CAMTA1: variants seen among roughly 807,000 people sequenced by gnomAD.
CAMTA1 encodes the protein calmodulin binding transcription activator 1.
CAMTA1 carries 27 observed loss-of-function variants against 170.9 expected under a neutral mutation model. The ratio of observed to expected loss-of-function variants is 0.16; its 90% CI spans 0.12 to 0.22. The LOEUF is 0.22. Ranked by LOEUF, CAMTA1 falls within the 10% of genes least tolerant of loss-of-function variation. The pLI is 1.00. For synonymous variants in CAMTA1, 833 were observed against 891.5 expected, an observed-to-expected ratio of 0.93 and a Z score of 1.17; for missense variants, 1,619 against 2,217.2, an observed-to-expected ratio of 0.73 and a Z score of 5.42.
chr1:7,266,185 G>A (rs10864290), intron 5 of CAMTA1, among the ~76,000 whole-genome samples: 91,904 of 152,144 alleles, frequency 0.6, 28,186 homozygotes, highest in Non-Finnish European at 0.66. Flanking sequence ...CAGGTCTGCA[G>A]AGCGGGGGCG....
chr1:7,619,302 C>T (rs899811682), intron 6 of CAMTA1, among the ~76,000 whole-genome samples: 5 of 152,186 alleles, frequency 3.3e-5, no homozygotes, highest in South Asian at 2.1e-4. Context: ...AGAGAGAGTG[C>T]GAACTGCAGG....
chr1:7,738,021 C>T lies in CAMTA1; in HGVS notation c.3721C>T (p.Pro1241Ser). 6.2e-7 allele frequency: 1 copy of T among 1,614,060 alleles called. No individual in the cohort carries two copies. The highest frequency in any genetic ancestry group is 8.5e-7 in the Non-Finnish European group (1 of 1,179,976). Residue 1241 changes from proline to serine, a missense_variant, in exon 16 of 23, where the codon CCG (proline) becomes TCG (serine). Pro to Ser is a moderately conservative substitution (Grantham distance 74). Transcript: ENST00000303635. This position sits in a 1 kb window ranked among gnomAD's most constrained non-coding sequence, Gnocchi z 4.9. ...CAGCAGTGAGAGCCACAAAGATTAT[C>T]CGGCTCCCAAAAAGCATAAATTGAA... ...YYSSESHKDYPAPKKHKLNPE... is the reference protein window; with the variant it reads ...YYSSESHKDYSAPKKHKLNPE...
chr1:7,398,154 GCTCTCTCTCTCT>G (rs371668581), intron 5 of CAMTA1, among the ~76,000 whole-genome samples: 20 of 26,266 alleles, frequency 7.6e-4, no homozygotes, highest in African/African-American at 1.4e-3. Context: ...TAATAATATT[GCTCTCTCTCTCT>G]CTCTCTCTCT....
chr1:7,320,192 A>G (rs1020155658), intron 5 of CAMTA1, among the ~76,000 whole-genome samples: 1 of 152,182 alleles, frequency 6.6e-6, no homozygotes, highest in South Asian at 2.1e-4. Flanking sequence ...CTTGATCTCA[A>G]AAGGAAAACT....
chr1:6,810,263 C>T (rs1235524668), intron 1 of CAMTA1, among the ~76,000 whole-genome samples: 1 of 152,148 alleles, frequency 6.6e-6, no homozygotes, highest in Non-Finnish European at 1.5e-5. Context: ...GCTCCCTTGG[C>T]CATTTGAAGG....
intron 4 of CAMTA1, among the ~76,000 whole-genome samples, chr1:7,120,287 G>T (rs1644566091): frequency 6.6e-6 from 1 of 152,220 alleles, no homozygotes; most frequent in South Asian, 2.1e-4. Flanking sequence ...CAGTCAAAGT[G>T]TCAGTTGAGG....
intron 5 of CAMTA1, among the ~76,000 whole-genome samples, chr1:7,415,061 G>C (rs2091065226): frequency 6.6e-6 from 1 of 152,048 alleles, no homozygotes; most frequent in African/African-American, 2.4e-5. Flanking sequence ...CCATGTAGTT[G>C]AGCAGTTTTG....
intron 5 of CAMTA1, among the ~76,000 whole-genome samples, chr1:7,418,205 G>GTTGT (rs1056841028): frequency 3.9e-5 from 6 of 152,040 alleles, no homozygotes; most frequent in African/African-American, 1.4e-4. Context: ...TCTTTTTGTT[G>GTTGT]TTGTTGTTGA....
At chr1:7,725,667 C>T (rs2096680149) in intron 11 of CAMTA1, among the ~76,000 whole-genome samples, 1 of 152,168 alleles carries the variant, frequency 6.6e-6, no homozygotes. Context: ...CTTAGGGCAG[C>T]GGTTCTTGAA....
chr1:7,213,850 C>CA lies in CAMTA1; in HGVS notation c.303-35640dup, dbSNP rs548233562. On this transcript the variant is annotated intron_variant, in intron 4 of 22. Coordinates refer to ENST00000303635, the MANE Select transcript of CAMTA1 (RefSeq NM_015215.4). ...TTCAATTCCCACCTATGAGTGAGAACATGCGGTGGTTGTTTTTTTGTCCTT... is the reference window on the plus strand; with the variant it reads ...TTCAATTCCCACCTATGAGTGAGAACAATGCGGTGGTTGTTTTTTTGTCCTT... 4.5e-3 allele frequency among the ~76,000 whole-genome samples: 682 copies of CA among 151,858 alleles called. 4 individuals carry two copies. Among genetic ancestry groups the CA allele is most frequent in the Non-Finnish European group, 7.9e-3 (539 of 67,984 alleles).
intron 3 of CAMTA1, among the ~76,000 whole-genome samples, chr1:7,059,878 G>C (rs1381842332): frequency 6.6e-6 from 1 of 152,162 alleles, no homozygotes; most frequent in East Asian, 1.9e-4. Context: ...AAAATGCTGA[G>C]AATCAGATGC....
At chr1:7,079,645 T>G (rs1198872290) in intron 3 of CAMTA1, among the ~76,000 whole-genome samples, 2 of 152,064 alleles carry the variant, frequency 1.3e-5, no homozygotes, top group South Asian at 2.1e-4. Flanking sequence ...CTAATTTTTT[T>G]TTTTTTTAAG....
At chr1:7,574,312 T>C (rs987966306) in intron 6 of CAMTA1, among the ~76,000 whole-genome samples, 3 of 151,860 alleles carry the variant, frequency 2.0e-5, no homozygotes, top group Non-Finnish European at 4.4e-5. Flanking sequence ...TACATGACTG[T>C]GGAAATGGGG....
chr1:7,595,877 A>G (rs1290851207), intron 6 of CAMTA1, among the ~76,000 whole-genome samples: 9 of 152,206 alleles, frequency 5.9e-5, no homozygotes, highest in African/African-American at 1.9e-4. Flanking sequence ...ACTTTCCACA[A>G]CCACACCTCC....
chr1:7,222,076 C>T (rs529821260), intron 4 of CAMTA1, among the ~76,000 whole-genome samples: 2 of 152,274 alleles, frequency 1.3e-5, no homozygotes, highest in Admixed American at 1.3e-4. Context: ...TGCTGAACTG[C>T]TCTGCTGCCA....
chr1:6,822,774 GT>G (rs1557629992), intron 2 of CAMTA1, among the ~76,000 whole-genome samples: 1 of 150,886 alleles, frequency 6.6e-6, no homozygotes, highest in Non-Finnish European at 1.5e-5. Flanking sequence ...GTTGAGAAGA[GT>G]ACCTTTATTA....
intron 4 of CAMTA1, among the ~76,000 whole-genome samples, chr1:7,139,061 ATTAT>A (rs1382128548): frequency 2.2e-3 from 315 of 142,548 alleles, no homozygotes; most frequent in African/African-American, 7.6e-3. Context: ...ATTTATATTT[ATTAT>A]TTGTTTATTT....
At chr1:6,802,858 C>G (rs1057284946) in intron 1 of CAMTA1, among the ~76,000 whole-genome samples, 1 of 152,150 alleles carries the variant, frequency 6.6e-6, no homozygotes, top group Admixed American at 6.5e-5. Flanking sequence ...CCTCAGCCCC[C>G]CAAGCTGAGG....
chr1:7,254,054 G>T (rs898678557), intron 5 of CAMTA1, among the ~76,000 whole-genome samples: 4 of 152,114 alleles, frequency 2.6e-5, no homozygotes, highest in African/African-American at 9.7e-5. Context: ...ACCTGAGGCC[G>T]ACTTGGCCTG....
Sources: gnomAD v4.1 joint callset for allele counts (sites outside exome capture counted in the v4.1 genomes callset) on GRCh38, gnomAD v4.1.1 for gene constraint, Gnocchi (gnomAD v3.1) non-coding constraint, MANE v1.5 for transcripts, NCBI Gene and HGNC (gene_info 2026-07-23, HGNC 2026-07-21) for gene names.